The following HSCB variants were observed in gnomAD, a reference collection of about 807,000 sequenced individuals.
HSCB encodes iron-sulfur cluster co-chaperone protein HscB.
Under a neutral mutation model 31.3 loss-of-function variants are expected in HSCB, and 23 were observed. The observed-to-expected ratio is 0.74, with a 90% CI of 0.53 to 1.04. The LOEUF is 1.04. Among genes scored for constraint, HSCB ranks in the 50% least tolerant of loss-of-function variants. The pLI is 0.00. For synonymous variants in HSCB, 110 were observed against 104.5 expected, an observed-to-expected ratio of 1.05 and a Z score of -0.32; for missense variants, 297 against 288.1, an observed-to-expected ratio of 1.03 and a Z score of -0.22.
At chr22:28,743,764 T>C (rs2054635600) in intron 1 of HSCB, 118 bp from the exon 2 acceptor site, 1 of 814,812 alleles carries the variant, frequency 1.2e-6, no homozygotes, top group East Asian at 2.6e-5. Context: ...CTTACCACTT[T>C]TTGAAATTAA....
intron 4 of HSCB, among the ~76,000 whole-genome samples, chr22:28,746,212 C>A (rs1261005752): frequency 6.6e-6 from 1 of 151,730 alleles, no homozygotes; most frequent in Non-Finnish European, 1.5e-5. Flanking sequence ...AAAACCCTGT[C>A]TCTACTGAAA....
chr22:28,748,986 TAA>T (rs1179962567), intron 4 of HSCB, among the ~76,000 whole-genome samples: 1 of 151,890 alleles, frequency 6.6e-6, no homozygotes, highest in Non-Finnish European at 1.5e-5. Flanking sequence ...ATTAAAAATT[TAA>T]AAATTAACCA....
chr22:28,750,247 CAAAAAAAAAAA>C (rs563701958), intron 4 of HSCB, among the ~76,000 whole-genome samples: 115 of 64,708 alleles, frequency 1.8e-3, no homozygotes, highest in African/African-American at 4.9e-3. Context: ...GAAACTGTCT[CAAAAAAAAAAA>C]AAAAAAAAAA....
chr22:28,748,632 C>G (rs1452184020), intron 4 of HSCB, among the ~76,000 whole-genome samples: 1 of 152,058 alleles, frequency 6.6e-6, no homozygotes, highest in Non-Finnish European at 1.5e-5. Flanking sequence ...CCTGCCTCTG[C>G]CTCCCAAGTA....
chr22:28,757,314 G>A lies in HSCB; in HGVS notation c.*145G>A, dbSNP rs1481392382. The A allele has an allele frequency of 2.3e-5, 11 of 488,078 alleles. No homozygotes were observed. Among genetic ancestry groups the A allele is most frequent in the Non-Finnish European group, 3.5e-5 (9 of 257,986 alleles). 30.2% of individuals were successfully genotyped at this position (488,078 alleles called of 1,614,324 possible). ...AGCTTGGCCAACATAGTGAAACCCC[G>A]TCTCTGCTGAAAATACAAAAATTAG... On this transcript the variant is annotated 3_prime_UTR_variant, in exon 6 of 6. Transcript: ENST00000216027.
chr22:28,752,301 C>A (rs1047726172), intron 5 of HSCB, among the ~76,000 whole-genome samples: 1 of 150,606 alleles, frequency 6.6e-6, no homozygotes, highest in Non-Finnish European at 1.5e-5. Context: ...GGCGCAGTGG[C>A]GCGCCTGTAA....
chr22:28,750,943 G>GTTTTTTTTTTTT (rs1202821377), intron 4 of HSCB, among the ~76,000 whole-genome samples: 3 of 62,048 alleles, frequency 4.8e-5, no homozygotes, highest in Admixed American at 1.7e-4. Context: ...GTATATCTTT[G>GTTTTTTTTTTTT]TCTTTTTTTT....
At chr22:28,747,869 C>T (rs1210454527) in intron 4 of HSCB, among the ~76,000 whole-genome samples, 1 of 151,208 alleles carries the variant, frequency 6.6e-6, no homozygotes, top group East Asian at 2.0e-4. Context: ...TCTCCCCTCC[C>T]CACCTTTCCC....
intron 4 of HSCB, among the ~76,000 whole-genome samples, chr22:28,746,603 A>C (rs1212881671): frequency 1.3e-5 from 2 of 150,814 alleles, no homozygotes; most frequent in Non-Finnish European, 3.0e-5. Flanking sequence ...AATACAAAAA[A>C]ATCAGCCAAG....
intron 2 of HSCB, 48 bp from the exon 3 acceptor site, chr22:28,744,567 A>C (rs756693066): frequency 5.7e-6 from 8 of 1,407,438 alleles, no homozygotes; most frequent in African/African-American, 1.4e-5. Context: ...AAACAAAAAA[A>C]CTTTGTGATT....
rs758451182 is a variant in HSCB, at chr22:28,750,945, CTTTTTTT to C, written c.569-278_569-272del. On this transcript the variant is annotated intron_variant, in intron 4 of 5. Coordinates refer to ENST00000216027, the MANE Select transcript of HSCB (RefSeq NM_172002.5). ...GGAGATAATCAAAGTATATCTTTGT[CTTTTTTT>C]TTTTTTTTTTTTTTTTTACTGATTC... Among the ~76,000 whole-genome samples the C allele has an allele frequency of 2.8e-4, 16 of 56,456 alleles. 1 individual carries two copies. The South Asian group carries it at 6.6e-3, about 23-fold the overall frequency. 37.0% of individuals were successfully genotyped at this position (56,456 alleles called of 152,430 possible). A position where few individuals can be genotyped will look rare whatever the true frequency, so the allele number is the denominator to read the frequency against.
intron 5 of HSCB, among the ~76,000 whole-genome samples, chr22:28,752,649 G>A (rs1024055035): frequency 6.6e-6 from 1 of 151,378 alleles, no homozygotes; most frequent in Non-Finnish European, 1.5e-5. Context: ...CAGGAGAATG[G>A]CGTGAACCCG....
intron 4 of HSCB, among the ~76,000 whole-genome samples, chr22:28,750,303 T>C (rs549989529): frequency 4.8e-5 from 7 of 146,992 alleles, no homozygotes; most frequent in Non-Finnish European, 7.5e-5. Flanking sequence ...ATAGTAAACA[T>C]TTGACTTTGA....
intron 4 of HSCB, among the ~76,000 whole-genome samples, chr22:28,749,979 G>C (rs1364247903): frequency 2.6e-5 from 4 of 152,034 alleles, no homozygotes; most frequent in Non-Finnish European, 5.9e-5. Context: ...GCCAGGTTTG[G>C]TGTCTTATGC....
Position 28,742,148 on chromosome 22 carries a change from C to T in HSCB, c.53C>T (p.Thr18Ile), listed in dbSNP as rs547943160. 2.4e-5 allele frequency: 38 copies of T among 1,613,284 alleles called. No individual in the cohort carries two copies. The highest frequency in any genetic ancestry group is 2.9e-5 in the Non-Finnish European group (34 of 1,179,742). ...ALLRVWGFWP[T>I]GVPRRRPLSC... ...CTCCGGGTGTGGGGGTTTTGGCCGA[C>T]AGGGGTTCCCAGAAGGAGACCGCTA... Residue 18 changes from threonine to isoleucine, a missense_variant, in exon 1 of 6, where the codon ACA becomes ATA. By Grantham distance (89) the Thr-to-Ile change is moderately conservative. Transcript: ENST00000216027.
At position 28,748,497 on chromosome 22, in the gene HSCB, C is replaced by G. The variant is rs536233134; in HGVS notation, c.568+2489C>G. On this transcript the variant is annotated intron_variant, in intron 4 of 5. Coordinates refer to ENST00000216027, the MANE Select transcript of HSCB (RefSeq NM_172002.5). The stretch of plus-strand genomic sequence containing the variant: ...CTGTCACTGGAATCTTTTTGAAACC[C>G]AAGCGTTTTTTTTTGTTGTTTTGTT... Among the ~76,000 whole-genome samples, 3 of 151,770 alleles carry G rather than the reference C, an allele frequency of 2.0e-5. No individual in the cohort carries two copies. In the South Asian group the frequency reaches 6.2e-4, roughly 32 times the overall value.
rs1176481671 is a variant in HSCB, at chr22:28,742,444, G to C, written c.236+113G>C. On this transcript the variant is annotated intron_variant, in intron 1 of 5. Transcript: ENST00000216027. The stretch of plus-strand genomic sequence containing the variant: ...GAAGAGAAGGCGGGACTGATGGGGG[G>C]GCGGAGGTCTAGAGAGCAGGCGTGA... 2.3e-5 allele frequency: 34 copies of C among 1,483,120 alleles called. No homozygotes were observed. The East Asian group carries it at 5.6e-4, about 24-fold the overall frequency. 91.9% of individuals were successfully genotyped at this position (1,483,120 alleles called of 1,614,324 possible).
intron 5 of HSCB, among the ~76,000 whole-genome samples, chr22:28,754,365 A>C (rs773620632): frequency 6.6e-5 from 10 of 152,082 alleles, no homozygotes; most frequent in Non-Finnish European, 1.0e-4. Flanking sequence ...TCAGTTTTGC[A>C]AGATGAAAAG....
In HSCB at chr22:28,745,073, G is replaced by C. The variant is rs555028737; in HGVS notation, c.423+369G>C. Among the ~76,000 whole-genome samples the C allele has an allele frequency of 8.5e-5, 12 of 141,582 alleles. 1 individual carries two copies. In the South Asian group the frequency reaches 2.9e-3, roughly 35 times the overall value. The allele number at this position is 141,582 out of a possible 152,430, so 92.9% of individuals were successfully genotyped here. A position where few individuals can be genotyped will look rare whatever the true frequency, so the allele number is the denominator to read the frequency against. On this transcript the variant is annotated intron_variant, in intron 3 of 5. Coordinates refer to ENST00000216027, the MANE Select transcript of HSCB (RefSeq NM_172002.5). ...ACCCTCTCAAAAAAAAAAAAAAAAA[G>C]TCCAGGGACCCAATAGTATTTAGCC...
Sources: allele counts gnomAD v4.1 joint callset (sites outside exome capture counted in the v4.1 genomes callset), GRCh38; gene constraint gnomAD v4.1.1; transcripts MANE v1.5; gene names NCBI Gene and HGNC (gene_info 2026-07-23, HGNC 2026-07-21).